The following MACROD1 variants were observed in gnomAD, a reference collection of about 807,000 sequenced individuals.
The protein encoded by MACROD1 is mono-ADP ribosylhydrolase 1.
A neutral mutation model predicts 41.4 loss-of-function variants in MACROD1; 31 were observed. The ratio of observed to expected loss-of-function variants is 0.75; its 90% CI spans 0.56 to 1.01. MACROD1 has a LOEUF of 1.01. MACROD1 is among the 50% of genes least tolerant of loss of function. The pLI, the probability that MACROD1 is intolerant of heterozygous loss-of-function variation, is 0.00. For missense variants in MACROD1, 473 were observed against 460.0 expected, an observed-to-expected ratio of 1.03 and a Z score of -0.26; for synonymous variants, 252 against 203.4, an observed-to-expected ratio of 1.24 and a Z score of -2.03.
Position 64,090,235 on chromosome 11 carries a change from C to T in MACROD1, c.517+61004G>A, listed in dbSNP as rs1217212719. Among the ~76,000 whole-genome samples the T allele has an allele frequency of 6.6e-6, 1 of 152,138 alleles. No homozygotes were observed. The highest frequency in any genetic ancestry group is 1.5e-5 in the Non-Finnish European group (1 of 68,012). On this transcript the variant is annotated intron_variant, in intron 3 of 10. Transcript: ENST00000255681. This position sits in a 1 kb window ranked among gnomAD's most constrained non-coding sequence, Gnocchi z 4.7. ...ACAGGGTGTGGGAAAGGCCAACGGG[C>T]GTGTGGGTCTCCAGCCTTTGCTCAT...
At position 64,122,417 on chromosome 11, in the gene MACROD1, A is replaced by AG. The variant is rs1259304272; in HGVS notation, c.517+28821dup. Reference sequence around the variant, plus strand: ...ACCTGGGAAGATGGCAGCAGCTAGGAGGGGCCCAACCTGACTCTCCCAAAG... The same window carrying AG: ...ACCTGGGAAGATGGCAGCAGCTAGGAGGGGGCCCAACCTGACTCTCCCAAAG... On this transcript the variant is annotated intron_variant, in intron 3 of 10. Coordinates refer to ENST00000255681, the MANE Select transcript of MACROD1 (RefSeq NM_014067.4). This position sits in a 1 kb window ranked among gnomAD's most constrained non-coding sequence, Gnocchi z 4.0. 6.6e-6 allele frequency among the ~76,000 whole-genome samples: 1 copy of AG among 152,090 alleles called. No individual in the cohort carries two copies. Among genetic ancestry groups the AG allele is most frequent in the African/African-American group, 2.4e-5 (1 of 41,422 alleles).
At chr11:64,154,874 C>T (rs1464288356) in intron 1 of MACROD1, among the ~76,000 whole-genome samples, 9 of 152,202 alleles carry the variant, frequency 5.9e-5, no homozygotes, top group Admixed American at 5.2e-4. Context: ...CGTGTGCCAG[C>T]ACACCCAACT....
At chr11:64,017,481 G>GT (rs1281295369) in intron 3 of MACROD1, among the ~76,000 whole-genome samples, 1 of 152,108 alleles carries the variant, frequency 6.6e-6, no homozygotes, top group African/African-American at 2.4e-5. Flanking sequence ...GCCAAGCCAC[G>GT]AAGCCAGCTG....
In MACROD1 at chr11:64,086,002, G is replaced by C. The variant is rs1406517213; in HGVS notation, c.517+65237C>G. Among the ~76,000 whole-genome samples the C allele has an allele frequency of 3.5e-5, 5 of 143,228 alleles. No individual in the cohort carries two copies. In the South Asian group the frequency reaches 7.0e-4, roughly 20 times the overall value. 94.0% of individuals were successfully genotyped at this position (143,228 alleles called of 152,430 possible). ...TAGTGGGCTTGCAGCCTCAAAGGAG[G>C]CTCAGGGAGGGAGGGTGGGGGTGGA... is the stretch of plus-strand genomic sequence containing the variant. On this transcript the variant is annotated intron_variant, in intron 3 of 10. Coordinates refer to ENST00000255681, the MANE Select transcript of MACROD1 (RefSeq NM_014067.4).
intron 7 of MACROD1, 32 bp downstream of exon 7, chr11:63,999,498 A>G: frequency 1.3e-6 from 2 of 1,593,820 alleles, no homozygotes; most frequent in Non-Finnish European, 1.7e-6. Flanking sequence ...TCCACCGCCC[A>G]CTCCTGGTCC....
chr11:64,117,667 G>A (rs753142043), intron 3 of MACROD1: 1 of 1,613,724 alleles, frequency 6.2e-7, no homozygotes, highest in Non-Finnish European at 8.5e-7. Flanking sequence ...TTCCGGCTCA[G>A]TTGGCTGCGC....
intron 3 of MACROD1, among the ~76,000 whole-genome samples, chr11:64,035,581 C>T (rs1943358212): frequency 1.3e-5 from 2 of 149,758 alleles, no homozygotes; most frequent in Admixed American, 1.3e-4. Flanking sequence ...CCGCCCTTCC[C>T]CCAGCCAGTT....
At chr11:64,045,858 A>G (rs1943574840) in intron 3 of MACROD1, among the ~76,000 whole-genome samples, 1 of 152,196 alleles carries the variant, frequency 6.6e-6, no homozygotes, top group Non-Finnish European at 1.5e-5. Context: ...AGGCTGAGGC[A>G]GGAGGATGGC....
chr11:64,157,552 G>C (rs1945687788), intron 1 of MACROD1, among the ~76,000 whole-genome samples: 1 of 152,166 alleles, frequency 6.6e-6, no homozygotes, highest in Admixed American at 6.6e-5. Context: ...AGTTCAGTGA[G>C]ATAGGTGTTG....
chr11:64,018,035 C>T (rs1191305985), intron 3 of MACROD1, among the ~76,000 whole-genome samples: 1 of 152,084 alleles, frequency 6.6e-6, no homozygotes, highest in Non-Finnish European at 1.5e-5. Flanking sequence ...TGACCTGACG[C>T]CAACCCGGCC....
At chr11:64,055,442 A>G (rs1943767478) in intron 3 of MACROD1, among the ~76,000 whole-genome samples, 1 of 152,194 alleles carries the variant, frequency 6.6e-6, no homozygotes, top group African/African-American at 2.4e-5. Flanking sequence ...AGCTAGTGGC[A>G]GGGCAGGTAG....
At chr11:64,015,548 T>TG (rs1019832366) in intron 3 of MACROD1, among the ~76,000 whole-genome samples, 16 of 152,140 alleles carry the variant, frequency 1.1e-4, no homozygotes, top group African/African-American at 1.7e-4. Flanking sequence ...CGCAGACGCA[T>TG]GGGGGGGTCC....
intron 3 of MACROD1, among the ~76,000 whole-genome samples, chr11:64,054,173 C>T (rs1282051380): frequency 2.0e-5 from 3 of 152,258 alleles, no homozygotes; most frequent in East Asian, 1.9e-4. Flanking sequence ...GGCAGGGAAG[C>T]GGAAAGGAGG....
At chr11:64,138,587 T>C in intron 3 of MACROD1, 1 of 983,832 alleles carries the variant, frequency 1.0e-6, no homozygotes, top group Non-Finnish European at 1.2e-6. Flanking sequence ...CCGCGGGCCC[T>C]GCTGGCAGAG....
intron 3 of MACROD1, among the ~76,000 whole-genome samples, chr11:64,076,718 G>T (rs939816497): frequency 6.6e-6 from 1 of 152,176 alleles, no homozygotes; most frequent in Non-Finnish European, 1.5e-5. Context: ...TTCAGGAGCC[G>T]GAGGTTTGAT....
intron 3 of MACROD1, among the ~76,000 whole-genome samples, chr11:64,077,866 C>T (rs1944232435): frequency 6.6e-6 from 1 of 152,224 alleles, no homozygotes; most frequent in South Asian, 2.1e-4. Context: ...AGCCCAGGGC[C>T]CCCTGATTGG....
chr11:64,055,589 A>G (rs888021051), intron 3 of MACROD1, among the ~76,000 whole-genome samples: 2 of 152,196 alleles, frequency 1.3e-5, no homozygotes, highest in Non-Finnish European at 2.9e-5. Context: ...CTGTCCCTCC[A>G]CGAGGCAGCC....
chr11:64,116,435 G>A (rs766952943), intron 3 of MACROD1: 5 of 1,613,992 alleles, frequency 3.1e-6, no homozygotes, highest in East Asian at 2.2e-5. Context: ...CCTGCCCCTC[G>A]GTGTGCCGCT....
In MACROD1 at chr11:63,999,522, A is replaced by T; in HGVS notation, c.817+8T>A. 1 of 1,606,476 alleles carries T rather than the reference A, an allele frequency of 6.2e-7. No homozygotes were observed. Among genetic ancestry groups the T allele is most frequent in the South Asian group, 1.1e-5 (1 of 89,716 alleles). On this transcript the variant is annotated splice_region_variant and intron_variant, in intron 7 of 10. Transcript: ENST00000255681. ...CACTCCTGGTCCTTGCCTTTCTTCC[A>T]GACTCACCAAACACGCCGGTGGAGA... is the stretch of plus-strand genomic sequence containing the variant.
Sources: gnomAD v4.1 joint callset for allele counts (sites outside exome capture counted in the v4.1 genomes callset) on GRCh38, gnomAD v4.1.1 for gene constraint, Gnocchi (gnomAD v3.1) non-coding constraint, MANE v1.5 for transcripts, NCBI Gene and HGNC (gene_info 2026-07-23, HGNC 2026-07-21) for gene names.